Variants in ARHGAP42 observed in about 807,000 individuals in gnomAD.
The protein encoded by ARHGAP42 is rho GTPase-activating protein 42.
In ARHGAP42, 63 loss-of-function variants were observed where a neutral mutation model predicts 125.0. The ratio of observed to expected loss-of-function variants is 0.50; its 90% CI spans 0.41 to 0.62. The LOEUF (loss-of-function observed/expected upper bound fraction) is 0.62, where lower values mean the gene tolerates loss of function less well. Among genes scored for constraint, ARHGAP42 ranks in the 20% least tolerant of loss-of-function variants. The pLI is 0.00. For missense variants in ARHGAP42, 766 were observed against 1,024.2 expected, an observed-to-expected ratio of 0.75 and a Z score of 3.44; for synonymous variants, 339 against 351.0, an observed-to-expected ratio of 0.97 and a Z score of 0.38.
intron 1 of ARHGAP42, among the ~76,000 whole-genome samples, chr11:100,691,473 A>G (rs147674722): frequency 1.9e-4 from 29 of 152,198 alleles, no homozygotes; most frequent in African/African-American, 6.8e-4. Context: ...AGAGACAAAA[A>G]GAGAATAGAC....
chr11:100,793,626 C>T (rs980511444), intron 2 of ARHGAP42, among the ~76,000 whole-genome samples: 3 of 152,026 alleles, frequency 2.0e-5, no homozygotes, highest in Non-Finnish European at 4.4e-5. Flanking sequence ...TTTTTATCTT[C>T]CTTAATGAGT....
chr11:100,974,734 C>A, intron 19 of ARHGAP42, 131 bp downstream of exon 19: 1 of 981,164 alleles, frequency 1.0e-6, no homozygotes, highest in East Asian at 2.7e-5. Flanking sequence ...CCTCTTTTAT[C>A]ATTTGTATAT....
intron 7 of ARHGAP42, among the ~76,000 whole-genome samples, chr11:100,935,192 G>T (rs1867700318): frequency 6.6e-6 from 1 of 151,526 alleles, no homozygotes; most frequent in African/African-American, 2.4e-5. Flanking sequence ...AGTGATTATT[G>T]TATCTTCAGA....
rs1404706946 is a variant in ARHGAP42 at position 100,976,272 on chromosome 11, G to T, written c.2071G>T (p.Asp691Tyr). Reference protein sequence around the residue: ...TTSPESSSREDATKTDAESDC... With the variant: ...TTSPESSSREYATKTDAESDC... Reference sequence around the variant, plus strand: ...TAGTCCTGAATCAAGTTCCAGAGAAGATGCAACCAAGACAGATGCAGAATC... The same window carrying T: ...TAGTCCTGAATCAAGTTCCAGAGAATATGCAACCAAGACAGATGCAGAATC... The change falls in exon 20 of 24, where the codon GAT becomes TAT. Residue 691 changes from aspartate (D) to tyrosine (Y), a missense_variant. Transcript: ENST00000298815. The T allele has an allele frequency of 6.4e-7, 1 of 1,551,710 alleles. No individual in the cohort carries two copies. The highest frequency in any genetic ancestry group is 8.7e-7 in the Non-Finnish European group (1 of 1,146,932).
chr11:100,854,967 G>T (rs1226255028), intron 3 of ARHGAP42, among the ~76,000 whole-genome samples: 5 of 152,072 alleles, frequency 3.3e-5, no homozygotes, highest in Admixed American at 6.6e-5. Flanking sequence ...GATAGCTTCT[G>T]CATCGATTAT....
intron 1 of ARHGAP42, among the ~76,000 whole-genome samples, chr11:100,695,851 TA>T (rs1197218271): frequency 6.6e-6 from 1 of 152,120 alleles, no homozygotes; most frequent in Non-Finnish European, 1.5e-5. Flanking sequence ...AGAGGAAAAA[TA>T]AGCCTGAATT....
At chr11:100,761,723 A>T (rs1367061514) in intron 1 of ARHGAP42, among the ~76,000 whole-genome samples, 4 of 152,230 alleles carry the variant, frequency 2.6e-5, no homozygotes, top group Non-Finnish European at 5.9e-5. Flanking sequence ...TAGTAATTTA[A>T]TACCCAGATT....
intron 3 of ARHGAP42, among the ~76,000 whole-genome samples, chr11:100,838,350 A>G (rs1864864695): frequency 6.6e-6 from 1 of 152,088 alleles, no homozygotes; most frequent in South Asian, 2.1e-4. Flanking sequence ...AGTAAAGACA[A>G]TGTATATAGA....
intron 6 of ARHGAP42, among the ~76,000 whole-genome samples, chr11:100,926,430 T>C (rs1468548365): frequency 6.6e-6 from 1 of 152,334 alleles, no homozygotes; most frequent in South Asian, 2.1e-4. Context: ...TTCCTGATAA[T>C]ATTTGCTCTG....
At chr11:100,880,478 G>A (rs114490610) in intron 4 of ARHGAP42, among the ~76,000 whole-genome samples, 3,782 of 152,094 alleles carry the variant, frequency 0.025, 99 homozygotes, top group African/African-American at 0.062. Context: ...ATATACCACC[G>A]TTTCTTTATC....
chr11:100,801,376 A>T (rs760011875), intron 3 of ARHGAP42, among the ~76,000 whole-genome samples: 23 of 152,186 alleles, frequency 1.5e-4, no homozygotes, highest in Admixed American at 3.9e-4. Flanking sequence ...AGGTTTGACC[A>T]AAGTCTTCAG....
At chr11:100,875,107 CTGTGTGTGTGTGTG>C (rs67247250) in intron 4 of ARHGAP42, among the ~76,000 whole-genome samples, 160 of 82,298 alleles carry the variant, frequency 1.9e-3, no homozygotes, top group South Asian at 5.2e-3. Context: ...CTCTCTCTCT[CTGTGTGTGTGTGTG>C]TGTGTGTGTG....
intron 2 of ARHGAP42, among the ~76,000 whole-genome samples, chr11:100,777,958 G>T (rs1863170576): frequency 6.6e-6 from 1 of 152,116 alleles, no homozygotes; most frequent in Non-Finnish European, 1.5e-5. Flanking sequence ...CATGGCGGGA[G>T]GAATGCTTGA....
intron 23 of ARHGAP42, among the ~76,000 whole-genome samples, chr11:100,988,421 T>TA (rs1217987931): frequency 2.6e-5 from 4 of 152,144 alleles, no homozygotes; most frequent in African/African-American, 7.2e-5. Flanking sequence ...ATTTTAAAAA[T>TA]ATATAGTATA....
intron 11 of ARHGAP42, among the ~76,000 whole-genome samples, chr11:100,949,649 G>T (rs1868122183): frequency 6.6e-6 from 1 of 152,110 alleles, no homozygotes; most frequent in African/African-American, 2.4e-5. Context: ...TCATACTGGG[G>T]CAGAGAATAA....
chr11:100,767,144 T>G (rs545799878), intron 1 of ARHGAP42, among the ~76,000 whole-genome samples: 1 of 152,300 alleles, frequency 6.6e-6, no homozygotes, highest in Non-Finnish European at 1.5e-5. Flanking sequence ...GAAACTGAAA[T>G]TTTTCTTTTT....
At chr11:100,957,051 C>T (rs1272481661) in intron 12 of ARHGAP42, among the ~76,000 whole-genome samples, 3 of 152,068 alleles carry the variant, frequency 2.0e-5, no homozygotes, top group African/African-American at 7.2e-5. Context: ...ATATTCTAAG[C>T]ATACACTATT....
rs527458676 is a variant in ARHGAP42, at chr11:100,787,147, G to A, written c.251-7958G>A. 3.0e-4 allele frequency among the ~76,000 whole-genome samples: 46 copies of A among 151,994 alleles called. 1 individual carries two copies. The highest frequency in any genetic ancestry group is 1.4e-3 in the Admixed American group (21 of 15,270). The stretch of plus-strand genomic sequence containing the variant: ...AAAAAAATTAGGCGGGCATGGTGGT[G>A]GGCGCCTGTAGTCCCAGCTACTCAG... On this transcript the variant is annotated intron_variant, in intron 2 of 23. Transcript: ENST00000298815.
intron 4 of ARHGAP42, among the ~76,000 whole-genome samples, chr11:100,899,580 C>G (rs1435379533): frequency 1.3e-5 from 2 of 151,896 alleles, no homozygotes; most frequent in Non-Finnish European, 2.9e-5. Flanking sequence ...TGAATTGATC[C>G]CTTTACCATT....
Sources: allele counts gnomAD v4.1 joint callset (sites outside exome capture counted in the v4.1 genomes callset), GRCh38; gene constraint gnomAD v4.1.1; transcripts MANE v1.5; gene names NCBI Gene and HGNC (gene_info 2026-07-23, HGNC 2026-07-21).